LTBP2: variants seen among roughly 807,000 people sequenced by gnomAD.
LTBP2 encodes the protein latent-transforming growth factor beta-binding protein 2.
In LTBP2, 103 loss-of-function variants were observed where a neutral mutation model predicts 210.6. The ratio of observed to expected loss-of-function variants is 0.49; its 90% CI spans 0.42 to 0.58. The LOEUF is 0.58. Ranked by LOEUF, LTBP2 falls within the 20% of genes least tolerant of loss-of-function variation. LTBP2 has a pLI of 0.00. For missense variants in LTBP2, 2,313 were observed against 2,494.5 expected (o/e 0.93, Z 1.55); for synonymous variants, 1,007 against 1,015.0 (o/e 0.99, Z 0.15).
Position 74,603,671 on chromosome 14 carries a change from A to G in LTBP2, c.529T>C (p.Trp177Arg). Residue 177 changes from tryptophan to arginine, a missense_variant, in exon 2 of 36, where the codon TGG (tryptophan) becomes CGG (arginine). Around this residue, in one of 3 missense-constraint regions of LTBP2, gnomAD observed 1,867 missense variants for 1,976.9 expected, o/e 0.94. Coordinates refer to ENST00000261978, the MANE Select transcript of LTBP2 (RefSeq NM_000428.3). Reference sequence around the variant, plus strand: ...TGGTTGGTGCTGTTTGCTGTTGTCCATCCTGGGCAGCACTGTCCCCCGCAG... The same window carrying G: ...TGGTTGGTGCTGTTTGCTGTTGTCCGTCCTGGGCAGCACTGTCCCCCGCAG... ...NVCGGQCCPG[W>R]TTANSTNHCI... is the part of the protein sequence containing the mutation. The G allele has an allele frequency of 6.2e-7, 1 of 1,614,188 alleles. No homozygotes were observed. Among genetic ancestry groups the G allele is most frequent in the Non-Finnish European group, 8.5e-7 (1 of 1,180,036 alleles).
At chr14:74,598,693 C>T (rs2088404244) in intron 2 of LTBP2, among the ~76,000 whole-genome samples, 1 of 152,182 alleles carries the variant, frequency 6.6e-6, no homozygotes, top group Non-Finnish European at 1.5e-5. Flanking sequence ...GAAGAGGCAA[C>T]CGAGACACAA....
chr14:74,591,010 A>T (rs1349075750), intron 2 of LTBP2, among the ~76,000 whole-genome samples: 1 of 152,194 alleles, frequency 6.6e-6, no homozygotes, highest in Non-Finnish European at 1.5e-5. Flanking sequence ...TATATATATA[A>T]AATAAGATCT....
intron 8 of LTBP2, among the ~76,000 whole-genome samples, chr14:74,540,195 G>A (rs989023249): frequency 2.0e-5 from 3 of 152,144 alleles, no homozygotes; most frequent in Admixed American, 1.3e-4. Flanking sequence ...GGTTAAGGCC[G>A]GGCATGGTGG....
intron 8 of LTBP2, among the ~76,000 whole-genome samples, chr14:74,540,857 T>TATAA (rs1181757867): frequency 1.4e-5 from 1 of 73,726 alleles, no homozygotes; most frequent in Non-Finnish European, 2.9e-5. Context: ...ATTATATATA[T>TATAA]TATATATATT....
chr14:74,590,696 A>T (rs747293517), intron 2 of LTBP2, among the ~76,000 whole-genome samples: 3 of 152,238 alleles, frequency 2.0e-5, no homozygotes, highest in Non-Finnish European at 4.4e-5. Context: ...AGCAACTTGG[A>T]TGGAGCTGGA....
intron 2 of LTBP2, among the ~76,000 whole-genome samples, chr14:74,597,725 C>T (rs1169988134): frequency 6.6e-6 from 1 of 152,162 alleles, no homozygotes; most frequent in South Asian, 2.1e-4. Flanking sequence ...TGAGAGTGCA[C>T]CCTACATATC....
intron 15 of LTBP2, among the ~76,000 whole-genome samples, chr14:74,524,207 C>T (rs889829370): frequency 6.6e-6 from 1 of 152,130 alleles, no homozygotes; most frequent in Non-Finnish European, 1.5e-5. Flanking sequence ...CACTCCTCTG[C>T]ACACTCTGCC....
chr14:74,563,636 A>T (rs2087825959), intron 3 of LTBP2, among the ~76,000 whole-genome samples: 1 of 152,198 alleles, frequency 6.6e-6, no homozygotes, highest in Non-Finnish European at 1.5e-5. Context: ...AGAAATCAAA[A>T]AAAGAATAAT....
intron 15 of LTBP2, among the ~76,000 whole-genome samples, chr14:74,524,430 G>A (rs1405526909): frequency 6.6e-6 from 1 of 152,036 alleles, no homozygotes; most frequent in African/African-American, 2.4e-5. Context: ...AGGTGACTGG[G>A]TCTCTGGACC....
intron 3 of LTBP2, among the ~76,000 whole-genome samples, chr14:74,567,189 GC>G (rs1196935530): frequency 6.6e-6 from 1 of 152,162 alleles, no homozygotes; most frequent in African/African-American, 2.4e-5. Flanking sequence ...CTCAAGGGCA[GC>G]CCTGAAGTAG....
chr14:74,529,727 CT>C (rs1471177209), intron 10 of LTBP2, among the ~76,000 whole-genome samples: 1 of 152,218 alleles, frequency 6.6e-6, no homozygotes, highest in Non-Finnish European at 1.5e-5. Flanking sequence ...TGAGTTTGAG[CT>C]ATGCTGGGCT....
Position 74,585,883 on chromosome 14 carries a change from C to T in LTBP2, c.801G>A (p.Ser267=), listed in dbSNP as rs760646352. The T allele has an allele frequency of 2.0e-5, 33 of 1,613,896 alleles. No homozygotes were observed. The highest frequency in any genetic ancestry group is 1.5e-4 in the Admixed American group (9 of 60,002). Residue 267 remains serine, a synonymous_variant, in exon 3 of 36, where the codon TCG becomes TCA. Coordinates refer to ENST00000261978, the MANE Select transcript of LTBP2 (RefSeq NM_000428.3). Reference sequence around the variant, plus strand: ...CTGGTGGCGACTGTGGTGCGGGCGGCGACTGTGGTGCTGGCGGCTGTGCTC... The same window carrying T: ...CTGGTGGCGACTGTGGTGCGGGCGGTGACTGTGGTGCTGGCGGCTGTGCTC... ...LARAQPPAPQ[S]PPAPQSPPAG... is the part of the protein sequence containing the mutation.
At chr14:74,534,568 A>C (rs1378239830) in intron 9 of LTBP2, among the ~76,000 whole-genome samples, 1 of 152,018 alleles carries the variant, frequency 6.6e-6, no homozygotes, top group Non-Finnish European at 1.5e-5. Context: ...ATCCTGTAGC[A>C]CTCAGGGACT....
chr14:74,550,702 T>C (rs2087640832), intron 7 of LTBP2, among the ~76,000 whole-genome samples: 1 of 152,100 alleles, frequency 6.6e-6, no homozygotes, highest in African/African-American at 2.4e-5. Context: ...CTCAACTGGA[T>C]AAAAAACTCC....
At chr14:74,516,420 G>C (rs1325456296) in intron 18 of LTBP2, among the ~76,000 whole-genome samples, 2 of 140,342 alleles carry the variant, frequency 1.4e-5, no homozygotes, top group East Asian at 2.2e-4. Flanking sequence ...TCCATGTATG[G>C]GCCATCTAAA....
At chr14:74,611,415 C>T (rs764612002) in intron 1 of LTBP2, 36 bp downstream of exon 1, 5 of 1,464,342 alleles carry the variant, frequency 3.4e-6, no homozygotes, top group Non-Finnish European at 4.5e-6. Flanking sequence ...CCTGGCTCCC[C>T]TCTGTACCCT....
At chr14:74,501,311 T>C (rs935680178) in intron 35 of LTBP2, 130 bp downstream of exon 35, 7 of 1,421,738 alleles carry the variant, frequency 4.9e-6, no homozygotes, top group African/African-American at 2.8e-5. Flanking sequence ...CCTTTGGCGC[T>C]TTCTTCCCTT....
rs757892170 is a variant in LTBP2, at chr14:74,551,137, C to T, written c.1613G>A (p.Arg538Gln). ...NIPARSGEPPRPLPPAAPRPR... is the reference protein window; with the variant it reads ...NIPARSGEPPQPLPPAAPRPR... ...CCTGGGTGCTGCTGGGGGCAGTGGCCGAGGGGGCTCTCCAGACCGAGCAGG... is the reference window on the plus strand; with the variant it reads ...CCTGGGTGCTGCTGGGGGCAGTGGCTGAGGGGGCTCTCCAGACCGAGCAGG... The change falls in exon 7 of 36, where the codon CGG (arginine) becomes CAG (glutamine). Residue 538 changes from arginine to glutamine, a missense_variant. Transcript: ENST00000261978. The T allele has an allele frequency of 4.3e-5, 69 of 1,613,716 alleles. No homozygotes were observed. The highest frequency in any genetic ancestry group is 8.9e-5 in the East Asian group (4 of 44,894).
At chr14:74,578,211 T>A (rs1290865030) in intron 3 of LTBP2, among the ~76,000 whole-genome samples, 1 of 152,120 alleles carries the variant, frequency 6.6e-6, no homozygotes, top group Non-Finnish European at 1.5e-5. Flanking sequence ...GAAAAACTCA[T>A]CCTGGCAAAT....
Sources: gnomAD v4.1 joint callset for allele counts (sites outside exome capture counted in the v4.1 genomes callset) on GRCh38, gnomAD v4.1.1 for gene constraint, gnomAD v4.1.1 regional missense constraint, MANE v1.5 for transcripts, NCBI Gene and HGNC (gene_info 2026-07-23, HGNC 2026-07-21) for gene names.